The following CCSER1 variants were observed in gnomAD, a reference collection of about 807,000 sequenced individuals.
The protein encoded by CCSER1 is serine-rich coiled-coil domain-containing protein 1.
CCSER1 carries 41 observed loss-of-function variants against 82.0 expected under a neutral mutation model. The observed-to-expected ratio is 0.50, with a 90% CI of 0.39 to 0.65. The LOEUF (loss-of-function observed/expected upper bound fraction) is 0.65. CCSER1 is among the 30% of genes least tolerant of loss of function. The probability of loss-of-function intolerance (pLI) is 0.00; values close to 1 mark genes in which losing one functional copy is unlikely to be tolerated. For missense variants in CCSER1, 1,119 were observed against 1,064.2 expected (o/e 1.05, Z -0.72); for synonymous variants, 414 against 383.9 (o/e 1.08, Z -0.92).
intron 9 of CCSER1, among the ~76,000 whole-genome samples, chr4:90,977,673 T>C (rs1180919981): frequency 2.6e-5 from 4 of 151,660 alleles, no homozygotes; most frequent in Non-Finnish European, 5.9e-5. Context: ...TTTCTTATAA[T>C]TTGAATGAAC....
At chr4:90,735,908 C>T (rs1745566810) in intron 7 of CCSER1, among the ~76,000 whole-genome samples, 1 of 151,960 alleles carries the variant, frequency 6.6e-6, no homozygotes, top group South Asian at 2.1e-4. Flanking sequence ...GTTGTGTTTT[C>T]ATGTTCATTG....
chr4:91,494,733 A>C (rs1039800220), intron 10 of CCSER1, among the ~76,000 whole-genome samples: 16 of 151,728 alleles, frequency 1.1e-4, no homozygotes, highest in African/African-American at 3.9e-4. Context: ...CATTTTTTTC[A>C]AACTTAAAAA....
At chr4:91,361,843 T>C (rs1287698431) in intron 10 of CCSER1, among the ~76,000 whole-genome samples, 1 of 151,860 alleles carries the variant, frequency 6.6e-6, no homozygotes, top group African/African-American at 2.4e-5. Flanking sequence ...CCTGCTTTTG[T>C]GGACCCTATA....
intron 10 of CCSER1, among the ~76,000 whole-genome samples, chr4:91,369,408 T>C (rs1020633254): frequency 2.6e-5 from 4 of 152,228 alleles, no homozygotes; most frequent in Non-Finnish European, 5.9e-5. Flanking sequence ...AGCTAAGTAA[T>C]ATAATTCTCA....
chr4:90,491,816 A>T (rs553779262), intron 5 of CCSER1, among the ~76,000 whole-genome samples: 2 of 151,932 alleles, frequency 1.3e-5, no homozygotes, highest in African/African-American at 4.8e-5. Context: ...TGCTGGATTA[A>T]GTTTATTGAT....
chr4:91,439,516 A>G (rs572423766), intron 10 of CCSER1, among the ~76,000 whole-genome samples: 2 of 152,304 alleles, frequency 1.3e-5, no homozygotes, highest in Non-Finnish European at 2.9e-5. Context: ...AGTACCAGCC[A>G]CTGCAAAATC....
intron 5 of CCSER1, among the ~76,000 whole-genome samples, chr4:90,617,229 G>A (rs551990696): frequency 6.6e-6 from 1 of 152,168 alleles, no homozygotes; most frequent in South Asian, 2.1e-4. Flanking sequence ...TTATTGGGGG[G>A]AATTATTTTT....
chr4:90,235,923 A>G (rs1388198177), intron 1 of CCSER1, among the ~76,000 whole-genome samples: 2 of 152,144 alleles, frequency 1.3e-5, no homozygotes, highest in Non-Finnish European at 2.9e-5. Context: ...ACAAAGCTCT[A>G]TTTACTAAAA....
chr4:91,154,952 T>G lies in CCSER1; in HGVS notation c.2217+68958T>G, dbSNP rs144474425. Among the ~76,000 whole-genome samples, 966 of 151,760 alleles carry G rather than the reference T, an allele frequency of 6.4e-3. 20 individuals are homozygous for G. The highest frequency in any genetic ancestry group is 0.01 in the Non-Finnish European group (707 of 67,880). On this transcript the variant is annotated intron_variant, in intron 10 of 10. Coordinates refer to ENST00000509176, the MANE Select transcript of CCSER1 (RefSeq NM_001145065.2). ...TTTCTAAAATCACATAGCTATTAAGTAGAAAAGGCAGAATTCAATCTCAAG... is the reference window on the plus strand; with the variant it reads ...TTTCTAAAATCACATAGCTATTAAGGAGAAAAGGCAGAATTCAATCTCAAG...
chr4:90,269,197 T>A (rs1481676020), intron 1 of CCSER1, among the ~76,000 whole-genome samples: 3 of 152,078 alleles, frequency 2.0e-5, no homozygotes, highest in Non-Finnish European at 4.4e-5. Flanking sequence ...TAATAGACTT[T>A]TACAGAACAT....
chr4:90,463,939 A>T (rs1578601309), intron 4 of CCSER1, among the ~76,000 whole-genome samples: 1 of 149,972 alleles, frequency 6.7e-6, no homozygotes, highest in East Asian at 1.9e-4. Context: ...TTTATAAATT[A>T]AAAAAACGAT....
At chr4:90,754,040 C>A (rs924685588) in intron 7 of CCSER1, among the ~76,000 whole-genome samples, 8 of 152,160 alleles carry the variant, frequency 5.3e-5, no homozygotes, top group Non-Finnish European at 8.8e-5. Flanking sequence ...CCTAACTGCC[C>A]TTCTAAAATA....
At chr4:91,182,859 G>C (rs192255819) in intron 10 of CCSER1, among the ~76,000 whole-genome samples, 1 of 152,296 alleles carries the variant, frequency 6.6e-6, no homozygotes, top group Admixed American at 6.5e-5. Flanking sequence ...TCCAGTCCTC[G>C]AGGATTAACT....
At chr4:90,905,840 A>G (rs1301159006) in intron 8 of CCSER1, among the ~76,000 whole-genome samples, 4 of 152,150 alleles carry the variant, frequency 2.6e-5, no homozygotes, top group Non-Finnish European at 5.9e-5. Flanking sequence ...AAAAGGGCTC[A>G]CTGTGAACAT....
chr4:91,147,933 G>C (rs1228734128), intron 10 of CCSER1, among the ~76,000 whole-genome samples: 1 of 152,140 alleles, frequency 6.6e-6, no homozygotes, highest in Non-Finnish European at 1.5e-5. Context: ...CATTTCTTAA[G>C]ATGTAATGTT....
At chr4:90,642,249 A>G (rs1579657379) in intron 6 of CCSER1, 1 of 156,306 alleles carries the variant, frequency 6.4e-6, no homozygotes, top group African/African-American at 2.4e-5. Flanking sequence ...GGCATATTTA[A>G]CTACAGTTAA....
At chr4:90,788,522 A>G (rs1754823040) in intron 7 of CCSER1, among the ~76,000 whole-genome samples, 1 of 152,164 alleles carries the variant, frequency 6.6e-6, no homozygotes. Context: ...GTGATGGCAT[A>G]ACTCCAATCT....
At chr4:90,556,074 T>C (rs1379255866) in intron 5 of CCSER1, among the ~76,000 whole-genome samples, 1 of 152,064 alleles carries the variant, frequency 6.6e-6, no homozygotes, top group Non-Finnish European at 1.5e-5. Flanking sequence ...TGTTAAACCT[T>C]TCTTATGGAG....
At chr4:91,015,052 C>T (rs970767140) in intron 9 of CCSER1, among the ~76,000 whole-genome samples, 4 of 151,948 alleles carry the variant, frequency 2.6e-5, no homozygotes, top group Non-Finnish European at 4.4e-5. Flanking sequence ...CAAAATAAAG[C>T]ACTTGCTGAG....
Sources: gnomAD v4.1 joint callset for allele counts (sites outside exome capture counted in the v4.1 genomes callset) on GRCh38, gnomAD v4.1.1 for gene constraint, MANE v1.5 for transcripts, NCBI Gene and HGNC (gene_info 2026-07-23, HGNC 2026-07-21) for gene names.